HERC6: variants seen among roughly 807,000 people sequenced by gnomAD.
HERC6 encodes the protein HECT and RLD domain containing E3 ubiquitin protein ligase family member 6.
HERC6 carries 101 observed loss-of-function variants against 114.5 expected under a neutral mutation model. That is an observed-to-expected ratio of 0.88 (90% CI 0.75 to 1.04). The LOEUF is 1.04. Ranked by LOEUF, HERC6 falls within the 50% of genes least tolerant of loss-of-function variation. The probability of loss-of-function intolerance (pLI) is 0.00; values close to 1 mark genes in which losing one functional copy is unlikely to be tolerated. For missense variants in HERC6, 1,133 were observed against 1,230.9 expected (o/e 0.92, Z 1.19); for synonymous variants, 408 against 436.2 (o/e 0.94, Z 0.81).
At chr4:88,409,064 A>T (rs1183930268) in intron 11 of HERC6, among the ~76,000 whole-genome samples, 1 of 152,180 alleles carries the variant, frequency 6.6e-6, no homozygotes, top group African/African-American at 2.4e-5. Flanking sequence ...AAAAACCTGA[A>T]AAGACATCTC....
At chr4:88,433,798 A>G (rs1425606411) in intron 17 of HERC6, among the ~76,000 whole-genome samples, 1 of 152,218 alleles carries the variant, frequency 6.6e-6, no homozygotes, top group African/African-American at 2.4e-5. Flanking sequence ...CTTTCCCATA[A>G]ACTTCCAAAT....
chr4:88,401,835 C>T (rs12651181), intron 8 of HERC6, among the ~76,000 whole-genome samples: 3 of 152,228 alleles, frequency 2.0e-5, no homozygotes, highest in Non-Finnish European at 2.9e-5. Flanking sequence ...GACAATATCA[C>T]GTGCCCATTT....
rs368219425 is a variant in HERC6 at position 88,413,092 on chromosome 4, G to C, written c.1384G>C (p.Glu462Gln). 2 of 1,607,614 alleles carry C rather than the reference G, an allele frequency of 1.2e-6. No homozygotes were observed. The highest frequency in any genetic ancestry group is 4.5e-5 in the East Asian group (2 of 44,752). ...TTTACCACAGATAACTACGTGTCTC[G>C]AGGATGATCTGCTCAGAGCTCTTCC... ...WISSMITTCL[E>Q]DDLLRALPCH... Residue 462 changes from glutamate (E) to glutamine (Q), a missense_variant, in exon 12 of 23, where the codon GAG (glutamate) becomes CAG (glutamine). Glu to Gln is a conservative substitution (Grantham distance 29). Transcript: ENST00000264346.
At chr4:88,405,461 C>T in intron 9 of HERC6, 93 bp from the exon 10 acceptor site, 2 of 567,496 alleles carry the variant, frequency 3.5e-6, no homozygotes, top group East Asian at 3.1e-5. Flanking sequence ...ATAATTATTC[C>T]ACGTCATCAT....
Position 88,436,970 on chromosome 4 carries a change from CTG to C in HERC6, c.2484+2_2484+3del. On this transcript the variant is annotated splice_donor_variant and coding_sequence_variant, in exon 19 of 23. Transcript: ENST00000264346. LOFTEE classifies it high-confidence loss of function. Reference sequence around the variant, plus strand: ...GGAGATGCGCTCTGCATACGCTTTTCTGTGAGTACTAATGAAAGCCAAATTAT... The same window carrying C: ...GGAGATGCGCTCTGCATACGCTTTTCTGAGTACTAATGAAAGCCAAATTAT... 6.3e-7 allele frequency: 1 copy of C among 1,594,718 alleles called. No individual in the cohort carries two copies. The highest frequency in any genetic ancestry group is 1.7e-5 in the Admixed American group (1 of 58,748).
rs1372561140 is a variant in HERC6 at position 88,417,507 on chromosome 4, T to G, written c.1641T>G (p.Leu547=). The change falls in exon 13 of 23, where the codon CTT becomes CTG. Residue 547 remains leucine, a synonymous_variant. Coordinates refer to ENST00000264346, the MANE Select transcript of HERC6 (RefSeq NM_017912.4). ...AAGCAGCCATCATCTCTCAGCTGCT[T>G]CATCAGACTAAAACCGAACAGGATC... ...MLKAAIISQL[L]HQTKTEQDHC... The G allele has an allele frequency of 3.7e-6, 6 of 1,612,614 alleles. No individual in the cohort carries two copies. Among genetic ancestry groups the G allele is most frequent in the Non-Finnish European group, 5.1e-6 (6 of 1,179,354 alleles).
chr4:88,413,954 G>T (rs1327144510), intron 12 of HERC6, among the ~76,000 whole-genome samples: 1 of 152,158 alleles, frequency 6.6e-6, no homozygotes, highest in East Asian at 1.9e-4. Context: ...TCTAGGTGTG[G>T]TTACATTCCT....
chr4:88,417,752 TG>T (rs1236035529), intron 13 of HERC6, among the ~76,000 whole-genome samples, 173 bp downstream of exon 13: 2 of 152,130 alleles, frequency 1.3e-5, no homozygotes, highest in Non-Finnish European at 2.9e-5. Context: ...ATTTAAAAGT[TG>T]AGAAACTTTA....
At chr4:88,380,688 G>A (rs1734272021) in intron 1 of HERC6, among the ~76,000 whole-genome samples, 1 of 149,872 alleles carries the variant, frequency 6.7e-6, no homozygotes, top group Admixed American at 6.7e-5. Flanking sequence ...CTGCACTCCA[G>A]CCTGGCAACA....
chr4:88,400,592 T>C (rs1735480793), intron 8 of HERC6, among the ~76,000 whole-genome samples: 1 of 152,188 alleles, frequency 6.6e-6, no homozygotes, highest in Non-Finnish European at 1.5e-5. Flanking sequence ...AATTCAGAAA[T>C]AAACAACTCA....
At chr4:88,382,774 C>G (rs907648292) in intron 1 of HERC6, among the ~76,000 whole-genome samples, 4 of 152,146 alleles carry the variant, frequency 2.6e-5, no homozygotes, top group African/African-American at 9.7e-5. Flanking sequence ...GGAAGCAAGA[C>G]AAAGAAAATA....
rs1333743732 is a variant in HERC6, at chr4:88,379,109, G to T, written c.188G>T (p.Gly63Val). ...CTGGGCCGCAGGGGCGCGCAGCGCGGGGAGCTGCCAGGTGAGCGGGGGGCC... is the reference window on the plus strand; with the variant it reads ...CTGGGCCGCAGGGGCGCGCAGCGCGTGGAGCTGCCAGGTGAGCGGGGGGCC... ...GQLGRRGAQR[G>V]ELPEPIQALE... Residue 63 changes from glycine (G) to valine (V), a missense_variant, in exon 1 of 23, where the codon GGG becomes GTG. Physicochemically the swap from Gly to Val is moderately radical, Grantham distance 109. This residue lies in a region of HERC6 where 735 missense variants were observed against 754.0 expected (regional missense o/e 0.97). Coordinates refer to ENST00000264346, the MANE Select transcript of HERC6 (RefSeq NM_017912.4). 1 of 1,543,150 alleles carries T rather than the reference G, an allele frequency of 6.5e-7. No homozygotes were observed. Among genetic ancestry groups the T allele is most frequent in the Non-Finnish European group, 8.7e-7 (1 of 1,146,298 alleles).
At chr4:88,421,436 TTTTTC>T (rs200892778) in intron 13 of HERC6, among the ~76,000 whole-genome samples, 5,890 of 150,644 alleles carry the variant, frequency 0.039, 266 homozygotes, top group African/African-American at 0.12. Context: ...TCCACGTTCT[TTTTTC>T]TTTTCTTTTC....
intron 13 of HERC6, among the ~76,000 whole-genome samples, chr4:88,422,788 A>G (rs907061284): frequency 1.1e-4 from 17 of 152,178 alleles, no homozygotes; most frequent in Admixed American, 7.9e-4. Context: ...TATGTAAAAG[A>G]TTGTATAATA....
At chr4:88,385,761 TAATTCA>T (rs1734543026) in intron 3 of HERC6, among the ~76,000 whole-genome samples, 186 bp downstream of exon 3, 1 of 152,204 alleles carries the variant, frequency 6.6e-6, no homozygotes, top group African/African-American at 2.4e-5. Flanking sequence ...AAACAGTGCC[TAATTCA>T]TAGTGCCATA....
At chr4:88,415,887 G>T (rs562919810) in intron 12 of HERC6, among the ~76,000 whole-genome samples, 1 of 152,158 alleles carries the variant, frequency 6.6e-6, no homozygotes, top group Non-Finnish European at 1.5e-5. Flanking sequence ...CTCTTCAAGA[G>T]GTTTGCAGAT....
chr4:88,408,724 T>C, intron 11 of HERC6, 107 bp downstream of exon 11: 1 of 764,816 alleles, frequency 1.3e-6, no homozygotes, highest in South Asian at 1.6e-5. Flanking sequence ...CGATGAGTTC[T>C]TCCTGCCCAC....
chr4:88,413,641 A>G (rs1378833990), intron 12 of HERC6, among the ~76,000 whole-genome samples: 1 of 152,180 alleles, frequency 6.6e-6, no homozygotes, highest in African/African-American at 2.4e-5. Context: ...GATGATGAAA[A>G]ACAAATGTTA....
intron 15 of HERC6, among the ~76,000 whole-genome samples, chr4:88,427,962 TAA>T (rs1193175540): frequency 6.6e-6 from 1 of 152,194 alleles, no homozygotes; most frequent in Non-Finnish European, 1.5e-5. Context: ...TCAGAAAAGC[TAA>T]AGAGAAGTAC....
Sources: gnomAD v4.1 joint callset for allele counts (sites outside exome capture counted in the v4.1 genomes callset) on GRCh38, gnomAD v4.1.1 for gene constraint, gnomAD v4.1.1 regional missense constraint, MANE v1.5 for transcripts, NCBI Gene and HGNC (gene_info 2026-07-23, HGNC 2026-07-21) for gene names.